Variants in ZNF480 observed in about 807,000 individuals in gnomAD.
ZNF480 encodes the protein zinc finger protein 480.
In ZNF480, 15 loss-of-function variants were observed where a neutral mutation model predicts 14.4. The observed-to-expected ratio is 1.04, with a 90% confidence interval of 0.70 to 1.60. The LOEUF (loss-of-function observed/expected upper bound fraction) is 1.60, where lower values mean the gene tolerates loss of function less well. ZNF480 is among the 40% of genes most tolerant of loss of function. ZNF480 has a pLI of 0.00. For synonymous variants in ZNF480, 218 were observed against 215.5 expected (o/e 1.01, Z -0.10); for missense variants, 593 against 629.7 (o/e 0.94, Z 0.62).
At chr19:52,299,360 G>A (rs537773200) in intron 1 of ZNF480, among the ~76,000 whole-genome samples, 28 of 152,318 alleles carry the variant, frequency 1.8e-4, no homozygotes, top group African/African-American at 6.3e-4. Context: ...CGTAATTTCA[G>A]TCAAGTTGAC....
Position 52,322,358 on chromosome 19 carries a change from C to A in ZNF480, c.1108C>A (p.Pro370Thr). Residue 370 changes from proline (P) to threonine (T), a missense_variant, in exon 5 of 5, where the codon CCT becomes ACT. Coordinates refer to ENST00000595962, the MANE Select transcript of ZNF480 (RefSeq NM_144684.4). The stretch of plus-strand genomic sequence containing the variant: ...TCAGAAAATTCATACTGGAGAGAAA[C>A]CTTACAAATGTAATGAATGTGGAAA... ...RHQKIHTGEK[P>T]YKCNECGKVF... The A allele has an allele frequency of 1.9e-6, 3 of 1,613,760 alleles. No homozygotes were observed. Among genetic ancestry groups the A allele is most frequent in the Non-Finnish European group, 2.5e-6 (3 of 1,179,966 alleles).
chr19:52,310,055 T>G (rs1452593055), intron 2 of ZNF480, among the ~76,000 whole-genome samples: 2 of 152,050 alleles, frequency 1.3e-5, no homozygotes, highest in African/African-American at 4.8e-5. Context: ...TTTTAATTCA[T>G]TTTTCTTTCT....
chr19:52,314,351 T>G, intron 3 of ZNF480, 72 bp downstream of exon 3: 1 of 1,371,684 alleles, frequency 7.3e-7, no homozygotes, highest in Non-Finnish European at 9.6e-7. Flanking sequence ...GTGTGCCTCC[T>G]GGGAGCCCCT....
chr19:52,300,308 G>A lies in ZNF480; in HGVS notation c.-19-86G>A, dbSNP rs1982624544. ...GCAGCAGAGGACATCTTTCCGCAGG[G>A]TGAGGTCTAACCTGTGTGTGTGATT... On this transcript the variant is annotated intron_variant, in intron 1 of 4. Transcript: ENST00000595962. 1.1e-5 allele frequency: 15 copies of A among 1,409,568 alleles called. No homozygotes were observed. In the South Asian group the frequency reaches 1.7e-4, roughly 16 times the overall value. The allele number at this position is 1,409,568 out of a possible 1,614,324, so 87.3% of individuals were successfully genotyped here. A position where few individuals can be genotyped will look rare whatever the true frequency, so the allele number is the denominator to read the frequency against.
chr19:52,308,367 C>T (rs321911), intron 2 of ZNF480, among the ~76,000 whole-genome samples: 7,173 of 145,572 alleles, frequency 0.049, 296 homozygotes, highest in African/African-American at 0.1. Context: ...AGTACAGTAG[C>T]GCAATCTCGG....
intron 2 of ZNF480, 113 bp downstream of exon 2, chr19:52,300,597 C>G: frequency 6.4e-7 from 1 of 1,559,456 alleles, no homozygotes; most frequent in Non-Finnish European, 8.7e-7. Flanking sequence ...GGTTTGCTCA[C>G]GCTTACCTAT....
chr19:52,311,432 C>A (rs76834493), intron 2 of ZNF480, among the ~76,000 whole-genome samples: 13,456 of 152,196 alleles, frequency 0.088, 1,060 homozygotes, highest in African/African-American at 0.21. Flanking sequence ...CCCACCTTGG[C>A]CTCCCAAAGT....
intron 4 of ZNF480, among the ~76,000 whole-genome samples, chr19:52,320,557 AGGCTGAGGT>A (rs750326952): frequency 1.7e-3 from 262 of 152,314 alleles, no homozygotes; most frequent in Non-Finnish European, 3.4e-3. Context: ...GCACTTTCGG[AGGCTGAGGT>A]GGCCGGATCA....
In ZNF480 at chr19:52,314,219, G is replaced by A. The variant is rs200373642; in HGVS notation, c.139G>A (p.Ala47Thr). The A allele has an allele frequency of 2.3e-5, 37 of 1,583,806 alleles. No homozygotes were observed. Among genetic ancestry groups the A allele is most frequent in the Middle Eastern group, 1.7e-4 (1 of 5,918 alleles). The change falls in exon 3 of 5, where the codon GCA becomes ACA. Residue 47 changes from alanine to threonine, a missense_variant. Physicochemically the swap from Ala to Thr is moderately conservative, Grantham distance 58. Transcript: ENST00000595962. ...GGCGGAGTGGAAATGCCTGGACCCT[G>A]CACAGAGGGCTTTATACAAGGATGT... is the stretch of plus-strand genomic sequence containing the variant. ...SQAEWKCLDP[A>T]QRALYKDVML...
At chr19:52,308,865 TC>T (rs1409287631) in intron 2 of ZNF480, 2 of 152,010 alleles carry the variant, frequency 1.3e-5, no homozygotes, top group African/African-American at 4.8e-5. Context: ...TATCATTTTT[TC>T]AACATCAAAT....
At chr19:52,314,682 T>C (rs1983467423) in intron 3 of ZNF480, among the ~76,000 whole-genome samples, 1 of 151,556 alleles carries the variant, frequency 6.6e-6, no homozygotes, top group Admixed American at 6.6e-5. Context: ...TGGGAGCCTG[T>C]AATCCCAGCT....
chr19:52,312,229 C>T (rs1156620089), intron 2 of ZNF480, among the ~76,000 whole-genome samples: 10 of 151,488 alleles, frequency 6.6e-5, no homozygotes, highest in Admixed American at 5.3e-4. Context: ...ACTGCAATCT[C>T]GGCTCACTGC....
Position 52,322,394 on chromosome 19 carries a change from C to T in ZNF480, c.1144C>T (p.Gln382Ter). 1 of 1,613,570 alleles carries T rather than the reference C, an allele frequency of 6.2e-7. No individual in the cohort carries two copies. The highest frequency in any genetic ancestry group is 8.5e-7 in the Non-Finnish European group (1 of 1,179,912). Reference protein sequence around the residue: ...KCNECGKVFIQNSHLAQHWRI... With the variant: ...KCNECGKVFI ...TAATGAATGTGGAAAGGTCTTTATT[C>T]AAAATTCGCACCTAGCACAACATTG... The change falls in exon 5 of 5, where the codon CAA becomes TAA. Residue 382 changes from glutamine to a stop codon, truncating the protein, a stop_gained. Coordinates refer to ENST00000595962, the MANE Select transcript of ZNF480 (RefSeq NM_144684.4). LOFTEE classifies it low-confidence loss of function (END_TRUNC).
At chr19:52,305,284 G>T (rs1471650015) in intron 2 of ZNF480, among the ~76,000 whole-genome samples, 1 of 152,162 alleles carries the variant, frequency 6.6e-6, no homozygotes, top group Non-Finnish European at 1.5e-5. Flanking sequence ...AGAAATGATT[G>T]AAATGTCCTC....
intron 2 of ZNF480, among the ~76,000 whole-genome samples, chr19:52,312,335 A>G (rs1022460107): frequency 6.6e-6 from 1 of 151,288 alleles, no homozygotes; most frequent in Admixed American, 6.6e-5. Flanking sequence ...TACTTTTTGT[A>G]TTTTTTAGTA....
chr19:52,317,326 G>GT (rs1443756101), intron 4 of ZNF480: 1 of 151,764 alleles, frequency 6.6e-6, no homozygotes, highest in African/African-American at 2.4e-5. Context: ...TTGACCATGG[G>GT]TTTTTAAGTA....
chr19:52,322,822 A>C lies in ZNF480; in HGVS notation c.1572A>C (p.Ser524=). Residue 524 remains serine (S), a synonymous_variant, in exon 5 of 5, where the codon TCA becomes TCC. Coordinates refer to ENST00000595962, the MANE Select transcript of ZNF480 (RefSeq NM_144684.4). The part of the protein sequence containing the change: ...NECGKAFSRI[S]YLAQHWTIHM... ...GTGGCAAGGCCTTTAGTCGCATTTC[A>C]TACCTAGCACAACATTGGACAATTC... 6.2e-7 allele frequency: 1 copy of C among 1,604,684 alleles called. No individual in the cohort carries two copies. The highest frequency in any genetic ancestry group is 8.5e-7 in the Non-Finnish European group (1 of 1,174,260).
chr19:52,303,530 T>A (rs1266632951), intron 2 of ZNF480, among the ~76,000 whole-genome samples: 1 of 152,184 alleles, frequency 6.6e-6, no homozygotes, highest in Admixed American at 6.5e-5. Flanking sequence ...AATCCATGAA[T>A]TCATATGTGG....
intron 3 of ZNF480, among the ~76,000 whole-genome samples, chr19:52,315,495 A>G (rs900174028): frequency 6.0e-5 from 9 of 149,570 alleles, no homozygotes; most frequent in African/African-American, 1.7e-4. Context: ...TTTTTTTTGT[A>G]TTTTTAGTAG....
Sources: gnomAD v4.1 joint callset for allele counts (sites outside exome capture counted in the v4.1 genomes callset) on GRCh38, gnomAD v4.1.1 for gene constraint, MANE v1.5 for transcripts, NCBI Gene and HGNC (gene_info 2026-07-23, HGNC 2026-07-21) for gene names.